Variants in NID1 observed in about 807,000 individuals in gnomAD.
The protein encoded by NID1 is nidogen-1.
NID1 carries 76 observed loss-of-function variants against 130.6 expected under a neutral mutation model. The observed-to-expected ratio is 0.58, with a 90% CI of 0.48 to 0.70. The LOEUF is 0.70. Ranked by LOEUF, NID1 falls within the 30% of genes least tolerant of loss-of-function variation. The pLI, the probability that NID1 is intolerant of heterozygous loss-of-function variation, is 0.00. For missense variants in NID1, 1,517 were observed against 1,664.8 expected, an observed-to-expected ratio of 0.91 and a Z score of 1.54; for synonymous variants, 665 against 675.1, an observed-to-expected ratio of 0.98 and a Z score of 0.23.
rs1377018166 is a variant in NID1 at position 236,029,584 on chromosome 1, C to T, written c.1704G>A (p.Glu568=). The part of the protein sequence containing the change: ...QIPFGSSVHI[E]PYTELYHYST... ...AGTAGTGGTACAGCTCCGTGTAGGGCTCAATGTGCACGGAGGAGCCGAACG... is the reference window on the plus strand; with the variant it reads ...AGTAGTGGTACAGCTCCGTGTAGGGTTCAATGTGCACGGAGGAGCCGAACG... Residue 568 remains glutamate (E), a synonymous_variant, in exon 7 of 20, where the codon GAG becomes GAA. Coordinates refer to ENST00000264187, the MANE Select transcript of NID1 (RefSeq NM_002508.3). 3 of 1,579,204 alleles carry T rather than the reference C, an allele frequency of 1.9e-6. No homozygotes were observed. The highest frequency in any genetic ancestry group is 1.7e-6 in the Non-Finnish European group (2 of 1,162,606).
Position 236,004,709 on chromosome 1 carries a change from C to T in NID1, c.2527+7212G>A, listed in dbSNP as rs575346179. The stretch of plus-strand genomic sequence containing the variant: ...CCCGGGAGGCGGAGCTTGCAGTGAG[C>T]CGAGATCATGCCACTGCACTCCAGC... On this transcript the variant is annotated intron_variant, in intron 12 of 19. Coordinates refer to ENST00000264187, the MANE Select transcript of NID1 (RefSeq NM_002508.3). 1.9e-4 allele frequency among the ~76,000 whole-genome samples: 26 copies of T among 140,516 alleles called. No individual in the cohort carries two copies. In the East Asian group the frequency reaches 4.0e-3, roughly 22 times the overall value. 92.2% of individuals were successfully genotyped at this position (140,516 alleles called of 152,430 possible).
intron 1 of NID1, among the ~76,000 whole-genome samples, chr1:236,063,471 C>CAAAAAAAA (rs34798558): frequency 1.5e-5 from 2 of 136,908 alleles, no homozygotes; most frequent in South Asian, 2.4e-4. Context: ...GACTCTGTCT[C>CAAAAAAAA]AAAAAAAAAA....
intron 3 of NID1, 126 bp from the exon 4 acceptor site, chr1:236,042,418 G>A: frequency 8.3e-7 from 1 of 1,206,214 alleles, no homozygotes; most frequent in Non-Finnish European, 1.2e-6. Context: ...TAGGACTGGA[G>A]AGTGGAAGGG....
intron 9 of NID1, among the ~76,000 whole-genome samples, chr1:236,022,587 C>G (rs1212513118): frequency 1.3e-5 from 2 of 151,302 alleles, no homozygotes; most frequent in Admixed American, 1.3e-4. Context: ...ATCCATCCAC[C>G]TCGGCCTCCC....
intron 2 of NID1, among the ~76,000 whole-genome samples, chr1:236,046,585 G>T (rs1026016666): frequency 2.6e-5 from 4 of 151,238 alleles, no homozygotes; most frequent in African/African-American, 9.7e-5. Flanking sequence ...AGAGAGGACA[G>T]CCTGTGCAAG....
Position 236,023,221 on chromosome 1 carries a change from G to A in NID1, c.2128+849C>T, listed in dbSNP as rs539258340. Among the ~76,000 whole-genome samples the A allele has an allele frequency of 3.2e-4, 48 of 152,256 alleles. No individual in the cohort carries two copies. The South Asian group carries it at 5.6e-3, about 18-fold the overall frequency. On this transcript the variant is annotated intron_variant, in intron 9 of 19. Coordinates refer to ENST00000264187, the MANE Select transcript of NID1 (RefSeq NM_002508.3). ...GCTGGAAGGTGGAAGCAACCCATGC[G>A]TCCACTGATGGATGGATAAACAAAA...
rs1308317984 is a variant in NID1, at chr1:236,017,378, A to G, written c.2129-105T>C. On this transcript the variant is annotated intron_variant, in intron 9 of 19. Transcript: ENST00000264187. ...TCACCTAAGAATAGATCAATTTTAA[A>G]ACAAAATTTTCTTTTTTTTTTTCCG... 4 of 1,353,018 alleles carry G rather than the reference A, an allele frequency of 3.0e-6. No individual in the cohort carries two copies. In the Admixed American group the frequency reaches 9.6e-5, roughly 32 times the overall value. 83.8% of individuals were successfully genotyped at this position (1,353,018 alleles called of 1,614,324 possible).
intron 10 of NID1, 124 bp downstream of exon 10, chr1:236,017,024 T>C (rs1658613425): frequency 1.6e-6 from 2 of 1,235,502 alleles, no homozygotes; most frequent in Admixed American, 1.9e-5. Flanking sequence ...TTCATCTTTA[T>C]AAATTGCTCT....
intron 1 of NID1, among the ~76,000 whole-genome samples, chr1:236,062,633 CAAAAAAAAAAAAAA>C (rs56709890): frequency 0.012 from 1,248 of 104,308 alleles, 17 homozygotes; most frequent in African/African-American, 0.046. Flanking sequence ...GACTCTGTCT[CAAAAAAAAAAAAAA>C]AAAAAAAAAG....
Position 235,977,862 on chromosome 1 carries a change from T to C in NID1, c.*5A>G, listed in dbSNP as rs755773084. On this transcript the variant is annotated 3_prime_UTR_variant, in exon 20 of 20. Transcript: ENST00000264187. ...ACTTGGAAAGGAAATAAGGCACTCT[T>C]GTCTTCATTTCTGTTCGATACAGTC... is the stretch of plus-strand genomic sequence containing the variant. 93 of 1,613,696 alleles carry C rather than the reference T, an allele frequency of 5.8e-5. No individual in the cohort carries two copies. The highest frequency in any genetic ancestry group is 7.7e-5 in the Non-Finnish European group (91 of 1,179,846).
At chr1:236,046,088 C>A in intron 2 of NID1, among the ~76,000 whole-genome samples, 1 of 152,102 alleles carries the variant, frequency 6.6e-6, no homozygotes, top group East Asian at 1.9e-4. Context: ...AACCCAAGCA[C>A]CGTACAGTAG....
chr1:236,022,142 T>C (rs934304519), intron 9 of NID1, among the ~76,000 whole-genome samples: 2 of 151,948 alleles, frequency 1.3e-5, no homozygotes, highest in African/African-American at 4.8e-5. Context: ...GGTGGCACAC[T>C]TGTAGTCCCA....
At chr1:235,984,918 C>T (rs924097154) in intron 15 of NID1, among the ~76,000 whole-genome samples, 22 of 152,036 alleles carry the variant, frequency 1.4e-4, no homozygotes, top group African/African-American at 4.6e-4. Context: ...TGCCGGGCGC[C>T]GTGGCTCACA....
chr1:236,041,630 TA>T (rs1350917643), intron 4 of NID1, among the ~76,000 whole-genome samples: 1 of 152,172 alleles, frequency 6.6e-6, no homozygotes, highest in African/African-American at 2.4e-5. Context: ...GTTTTCTCTT[TA>T]AAACAGACAG....
intron 1 of NID1, among the ~76,000 whole-genome samples, chr1:236,054,798 C>T (rs1659853040): frequency 6.6e-6 from 1 of 151,590 alleles, no homozygotes; most frequent in African/African-American, 2.4e-5. Flanking sequence ...TGTGCCACCA[C>T]ATCTGGCTAA....
intron 12 of NID1, among the ~76,000 whole-genome samples, chr1:236,009,861 T>C (rs1320188933): frequency 6.6e-6 from 1 of 152,212 alleles, no homozygotes; most frequent in Non-Finnish European, 1.5e-5. Context: ...AACCAAATGT[T>C]AAACTTCTTA....
At chr1:236,011,860 T>G in intron 12 of NID1, 61 bp downstream of exon 12, 1 of 1,595,272 alleles carries the variant, frequency 6.3e-7, no homozygotes, top group Non-Finnish European at 8.6e-7. Context: ...CAATGGGCCA[T>G]GTGCTCTGCA....
intron 12 of NID1, among the ~76,000 whole-genome samples, chr1:236,001,024 G>A (rs1368981884): frequency 1.3e-5 from 2 of 152,052 alleles, no homozygotes; most frequent in African/African-American, 2.4e-5. Flanking sequence ...CACGGGTTCT[G>A]AGCATGCACC....
chr1:235,990,700 A>G lies in NID1; in HGVS notation c.2928+186T>C, dbSNP rs1657706800. Among the ~76,000 whole-genome samples the G allele has an allele frequency of 2.0e-5, 3 of 152,282 alleles. No individual in the cohort carries two copies. In the South Asian group the frequency reaches 6.2e-4, roughly 32 times the overall value. ...GAATCACTATGAATTTGGCAGGGGAATGGAAAGATCACGAGCAGCTCAGCA... is the reference window on the plus strand; with the variant it reads ...GAATCACTATGAATTTGGCAGGGGAGTGGAAAGATCACGAGCAGCTCAGCA... On this transcript the variant is annotated intron_variant, in intron 14 of 19. Transcript: ENST00000264187.
Sources: allele counts gnomAD v4.1 joint callset (sites outside exome capture counted in the v4.1 genomes callset), GRCh38; gene constraint gnomAD v4.1.1; transcripts MANE v1.5; gene names NCBI Gene and HGNC (gene_info 2026-07-23, HGNC 2026-07-21).